Variants in NPFFR2 observed in about 807,000 individuals in gnomAD.
The protein encoded by NPFFR2 is G-protein coupled receptor 74.
NPFFR2 carries 15 observed loss-of-function variants against 13.1 expected under a neutral mutation model. That is an observed-to-expected ratio of 1.15 (90% confidence interval 0.77 to 1.76). The LOEUF (loss-of-function observed/expected upper bound fraction) is 1.76, where lower values mean the gene tolerates loss of function less well. Among genes scored for constraint, NPFFR2 ranks in the 40% most tolerant of loss-of-function variants. The pLI is 0.00. For synonymous variants in NPFFR2, 190 were observed against 175.7 expected (o/e 1.08, Z -0.65); for missense variants, 572 against 503.5 (o/e 1.14, Z -1.30).
Position 72,147,103 on chromosome 4 carries a change from A to C in NPFFR2, c.554A>C (p.Gln185Pro). 1 of 1,614,138 alleles carries C rather than the reference A, an allele frequency of 6.2e-7. No homozygotes were observed. Among genetic ancestry groups the C allele is most frequent in the Non-Finnish European group, 8.5e-7 (1 of 1,180,022 alleles). ...MSPSAVMLHV[Q>P]EEKYYRVRLN... The stretch of plus-strand genomic sequence containing the variant: ...CCATCTGCAGTAATGTTACATGTGC[A>C]AGAAGAAAAATATTACCGAGTGAGA... The change falls in exon 4 of 4, where the codon CAA becomes CCA. Residue 185 changes from glutamine (Q) to proline (P), a missense_variant. By Grantham distance (76) the Gln-to-Pro change is moderately conservative. Transcript: ENST00000308744.
chr4:72,044,894 A>G (rs185497135), intron 1 of NPFFR2, among the ~76,000 whole-genome samples: 1 of 152,182 alleles, frequency 6.6e-6, no homozygotes, highest in East Asian at 1.9e-4. Context: ...GAAGCTTTTC[A>G]GCTTCTACTA....
chr4:72,043,917 G>A (rs2109758059), intron 1 of NPFFR2, among the ~76,000 whole-genome samples: 1 of 152,258 alleles, frequency 6.6e-6, no homozygotes, highest in South Asian at 2.1e-4. Context: ...TGGTTTGGCT[G>A]TGTCCCCACC....
chr4:72,107,014 A>G (rs115667468), intron 1 of NPFFR2, among the ~76,000 whole-genome samples: 1,582 of 152,006 alleles, frequency 0.01, 18 homozygotes, highest in Non-Finnish European at 0.014. Context: ...CTTGTATTTT[A>G]GAGAATCCAA....
intron 1 of NPFFR2, among the ~76,000 whole-genome samples, chr4:72,041,397 G>A (rs1719216650): frequency 6.6e-6 from 1 of 152,124 alleles, no homozygotes; most frequent in Non-Finnish European, 1.5e-5. Flanking sequence ...CCAAACCACT[G>A]TTGATGAACG....
chr4:72,092,231 T>C (rs1489816440), intron 1 of NPFFR2, among the ~76,000 whole-genome samples: 2 of 152,078 alleles, frequency 1.3e-5, no homozygotes, highest in African/African-American at 4.8e-5. Flanking sequence ...TTCTTAAAAT[T>C]GTTGATACTT....
At chr4:72,114,511 A>T (rs1302239518) in intron 1 of NPFFR2, among the ~76,000 whole-genome samples, 1 of 152,130 alleles carries the variant, frequency 6.6e-6, no homozygotes, top group Admixed American at 6.6e-5. Flanking sequence ...GGCTTTCAAA[A>T]GTTTTCTTAG....
chr4:72,065,869 TAA>T lies in NPFFR2; in HGVS notation c.-8+33670_-8+33671del, dbSNP rs138575488. On this transcript the variant is annotated intron_variant, in intron 1 of 3. Coordinates refer to ENST00000308744, the MANE Select transcript of NPFFR2 (RefSeq NM_004885.3). ...CTTGCGATGCCCTTAGGACTTTGCT[TAA>T]GTGTCAGCTTATCCACTTCCCTGAC... Among the ~76,000 whole-genome samples the T allele has an allele frequency of 5.7e-3, 863 of 152,280 alleles. 7 individuals are homozygous for T. The highest frequency in any genetic ancestry group is 0.02 in the African/African-American group (818 of 41,556).
At chr4:72,034,794 C>T (rs1252367785) in intron 1 of NPFFR2, among the ~76,000 whole-genome samples, 2 of 152,124 alleles carry the variant, frequency 1.3e-5, no homozygotes, top group Non-Finnish European at 2.9e-5. Flanking sequence ...TCCAGGGAGA[C>T]CTTCACTCCA....
At chr4:72,102,475 C>T (rs1424955836) in intron 1 of NPFFR2, among the ~76,000 whole-genome samples, 1 of 151,724 alleles carries the variant, frequency 6.6e-6, no homozygotes, top group Non-Finnish European at 1.5e-5. Context: ...GTGCTGCACC[C>T]ATTAACTCGT....
intron 1 of NPFFR2, among the ~76,000 whole-genome samples, chr4:72,053,919 C>T (rs1278612672): frequency 1.3e-5 from 2 of 151,816 alleles, no homozygotes; most frequent in African/African-American, 4.8e-5. Flanking sequence ...TATAGGTCTC[C>T]TTTCTCAAAT....
In NPFFR2 at chr4:72,147,139, A is replaced by C; in HGVS notation, c.590A>C (p.Gln197Pro). The C allele has an allele frequency of 6.2e-7, 1 of 1,614,182 alleles. No individual in the cohort carries two copies. The highest frequency in any genetic ancestry group is 1.3e-5 in the African/African-American group (1 of 75,048). ...TATTACCGAGTGAGACTCAACTCCC[A>C]GAATAAAACCAGTCCAGTCTACTGG... is the stretch of plus-strand genomic sequence containing the variant. ...EKYYRVRLNS[Q>P]NKTSPVYWCR... The change falls in exon 4 of 4, where the codon CAG (glutamine) becomes CCG (proline). Residue 197 changes from glutamine to proline, a missense_variant. Transcript: ENST00000308744.
chr4:72,091,190 A>T (rs1720910066), intron 1 of NPFFR2, among the ~76,000 whole-genome samples: 1 of 152,234 alleles, frequency 6.6e-6, no homozygotes, highest in African/African-American at 2.4e-5. Flanking sequence ...AACCCACTTG[A>T]TCAAGGCGTA....
chr4:72,102,492 C>T (rs1721282109), intron 1 of NPFFR2, among the ~76,000 whole-genome samples: 1 of 151,652 alleles, frequency 6.6e-6, no homozygotes, highest in Non-Finnish European at 1.5e-5. Flanking sequence ...TCGTCATTTA[C>T]ATTAGGTATA....
chr4:72,067,088 CT>C (rs1244578379), intron 1 of NPFFR2, among the ~76,000 whole-genome samples: 1 of 152,004 alleles, frequency 6.6e-6, no homozygotes. Context: ...GAGGGGCGTC[CT>C]TTGAAATCTT....
At chr4:72,066,340 G>A (rs952273523) in intron 1 of NPFFR2, among the ~76,000 whole-genome samples, 1 of 152,012 alleles carries the variant, frequency 6.6e-6, no homozygotes. Context: ...CCATCTCGTT[G>A]GTCATTAAGT....
chr4:72,069,008 G>A, intron 1 of NPFFR2: 1 of 1,285,036 alleles, frequency 7.8e-7, no homozygotes, highest in Non-Finnish European at 1.1e-6. Context: ...GAAGCATGTA[G>A]ATCAGTGACT....
chr4:72,141,672 A>C (rs1722630744), intron 3 of NPFFR2, among the ~76,000 whole-genome samples: 1 of 151,990 alleles, frequency 6.6e-6, no homozygotes. Context: ...GGAGTGCTTT[A>C]CTTCCAACTA....
intron 3 of NPFFR2, 60 bp from the exon 4 acceptor site, chr4:72,146,918 T>C (rs1204229182): frequency 1.8e-6 from 2 of 1,121,142 alleles, no homozygotes; most frequent in Admixed American, 2.0e-5. Flanking sequence ...ATAAATTTGG[T>C]GTATGACTTG....
At chr4:72,034,127 G>C (rs1284129202) in intron 1 of NPFFR2, among the ~76,000 whole-genome samples, 1 of 152,102 alleles carries the variant, frequency 6.6e-6, no homozygotes, top group African/African-American at 2.4e-5. Context: ...TGGAAAAAAG[G>C]ACATTGGTTT....
Sources: allele counts gnomAD v4.1 joint callset (sites outside exome capture counted in the v4.1 genomes callset), GRCh38; gene constraint gnomAD v4.1.1; transcripts MANE v1.5; gene names NCBI Gene and HGNC (gene_info 2026-07-23, HGNC 2026-07-21).